FAM237B: variants seen among roughly 807,000 people sequenced by gnomAD.
The protein encoded by FAM237B is family with sequence similarity 237 member B.
At chr7:90,320,088 G>A (rs974827667) in intron 2 of FAM237B, among the ~76,000 whole-genome samples, 4 of 152,112 alleles carry the variant, frequency 2.6e-5, no homozygotes, top group Admixed American at 2.0e-4. Context: ...TTAGTGATAC[G>A]GTTCCGCAAG....
intron 2 of FAM237B, 124 bp from the exon 3 acceptor site, chr7:90,319,875 A>G (rs1311206828): frequency 1.0e-5 from 4 of 396,970 alleles, no homozygotes; most frequent in Non-Finnish European, 1.8e-5. Flanking sequence ...CTTACTAGGT[A>G]TTCATTTTTT....
At chr7:90,319,790 TA>T (rs1366859558) in intron 2 of FAM237B, 39 bp from the exon 3 acceptor site, 2 of 398,258 alleles carry the variant, frequency 5.0e-6, no homozygotes, top group Non-Finnish European at 4.4e-6. Context: ...ATATTTAACT[TA>T]AAAAAGTTAT....
intron 2 of FAM237B, 29 bp from the exon 3 acceptor site, chr7:90,319,780 A>G (rs1795142508): frequency 2.5e-6 from 1 of 398,494 alleles, no homozygotes; most frequent in African/African-American, 2.1e-5. Flanking sequence ...GAGAGAGGAT[A>G]TATTTAACTT....
At chr7:90,320,273 A>G (rs894459274) in intron 2 of FAM237B, 2 of 152,258 alleles carry the variant, frequency 1.3e-5, no homozygotes, top group Non-Finnish European at 2.9e-5. Context: ...TAAGTCTCAA[A>G]GTTACTGCTA....
chr7:90,320,259 C>G lies in FAM237B; in HGVS notation c.-4+422G>C, dbSNP rs1055579002. On this transcript the variant is annotated intron_variant, in intron 2 of 2. Transcript: ENST00000692316. Reference sequence around the variant, plus strand: ...AAATGGTACTAGATCTCACAAACACCGTTTAAGTCTCAAAGTTACTGCTAT... The same window carrying G: ...AAATGGTACTAGATCTCACAAACACGGTTTAAGTCTCAAAGTTACTGCTAT... 4 of 152,314 alleles carry G rather than the reference C, an allele frequency of 2.6e-5. No individual in the cohort carries two copies. In the East Asian group the frequency reaches 7.7e-4, roughly 29 times the overall value. 9.4% of individuals were successfully genotyped at this position (152,314 alleles called of 1,614,324 possible).
At chr7:90,319,835 A>G (rs893272645) in intron 2 of FAM237B, 84 bp from the exon 3 acceptor site, 2 of 397,558 alleles carry the variant, frequency 5.0e-6, no homozygotes, top group Non-Finnish European at 8.9e-6. Context: ...GTAAGTACAC[A>G]TATATTTGCT....
Position 90,321,190 on chromosome 7 carries a change from C to T in FAM237B, c.-319G>A, listed in dbSNP as rs1441201252. On this transcript the variant is annotated 5_prime_UTR_variant, in exon 1 of 3. Coordinates refer to ENST00000692316, the MANE Select transcript of FAM237B (RefSeq NM_001384237.2). ...CGCTCACCGGGCGCCCAAGCTCGCT[C>T]AGCGGAACCGTCTCGGCCGCGGTGC... 2 of 152,294 alleles carry T rather than the reference C, an allele frequency of 1.3e-5. No individual in the cohort carries two copies. The highest frequency in any genetic ancestry group is 2.9e-5 in the Non-Finnish European group (2 of 68,092). The allele number at this position is 152,294 out of a possible 1,614,324, so 9.4% of individuals were successfully genotyped here.
chr7:90,316,809 A>G lies in FAM237B; in HGVS notation c.*2520T>C, dbSNP rs1794845453. 6.6e-6 allele frequency: 1 copy of G among 152,216 alleles called. No individual in the cohort carries two copies. The highest frequency in any genetic ancestry group is 1.5e-5 in the Non-Finnish European group (1 of 68,020). The allele number at this position is 152,216 out of a possible 1,614,324, so 9.4% of individuals were successfully genotyped here. On this transcript the variant is annotated 3_prime_UTR_variant, in exon 3 of 3. Coordinates refer to ENST00000692316, the MANE Select transcript of FAM237B (RefSeq NM_001384237.2). The stretch of plus-strand genomic sequence containing the variant: ...AAAAGAACTAGAAAACCATTTTGCC[A>G]TTAACTGGAAGACTAATTTTATTGA...
Position 90,319,252 on chromosome 7 carries a change from G to A in FAM237B, c.*77C>T. ...ATTTTAGGGAAAAAAACTAAATATG[G>A]TAAATTTGCTACCTTGTTGGATAAC... On this transcript the variant is annotated 3_prime_UTR_variant, in exon 3 of 3. Coordinates refer to ENST00000692316, the MANE Select transcript of FAM237B (RefSeq NM_001384237.2). The A allele has an allele frequency of 2.5e-6, 1 of 395,042 alleles. No homozygotes were observed. Among genetic ancestry groups the A allele is most frequent in the East Asian group, 3.6e-5 (1 of 27,778 alleles). 24.5% of individuals were successfully genotyped at this position (395,042 alleles called of 1,614,324 possible). A position where few individuals can be genotyped will look rare whatever the true frequency, so the allele number is the denominator to read the frequency against.
rs1001897963 is a variant in FAM237B, at chr7:90,318,691, T to A, written c.*638A>T. 2.6e-5 allele frequency: 4 copies of A among 152,038 alleles called. No homozygotes were observed. Among genetic ancestry groups the A allele is most frequent in the Non-Finnish European group, 2.9e-5 (2 of 67,924 alleles). The allele number at this position is 152,038 out of a possible 1,614,324, so 9.4% of individuals were successfully genotyped here. A position where few individuals can be genotyped will look rare whatever the true frequency, so the allele number is the denominator to read the frequency against. Reference sequence around the variant, plus strand: ...ACACTTTAAAAAGACACCTTCTAAGTAAAAAATTGAGAAATTATCTGAAAA... The same window carrying A: ...ACACTTTAAAAAGACACCTTCTAAGAAAAAAATTGAGAAATTATCTGAAAA... On this transcript the variant is annotated 3_prime_UTR_variant, in exon 3 of 3. Coordinates refer to ENST00000692316, the MANE Select transcript of FAM237B (RefSeq NM_001384237.2).
chr7:90,318,244 A>G lies in FAM237B; in HGVS notation c.*1085T>C, dbSNP rs1263400006. On this transcript the variant is annotated 3_prime_UTR_variant, in exon 3 of 3. Coordinates refer to ENST00000692316, the MANE Select transcript of FAM237B (RefSeq NM_001384237.2). ...TCGGTATATTTCTTTAAAGCTTCAC[A>G]TCCTTTTTGAAATAAGATGTGAGAT... 1 of 152,172 alleles carries G rather than the reference A, an allele frequency of 6.6e-6. No homozygotes were observed. The highest frequency in any genetic ancestry group is 6.5e-5 in the Admixed American group (1 of 15,278). The allele number at this position is 152,172 out of a possible 1,614,324, so 9.4% of individuals were successfully genotyped here.
In FAM237B at chr7:90,321,092, G is replaced by T. The variant is rs1333204280; in HGVS notation, c.-221C>A. The T allele has an allele frequency of 3.9e-5, 6 of 152,266 alleles. No individual in the cohort carries two copies. The highest frequency in any genetic ancestry group is 1.4e-4 in the African/African-American group (6 of 41,460). 9.4% of individuals were successfully genotyped at this position (152,266 alleles called of 1,614,324 possible). A position where few individuals can be genotyped will look rare whatever the true frequency, so the allele number is the denominator to read the frequency against. On this transcript the variant is annotated 5_prime_UTR_variant, in exon 1 of 3. Coordinates refer to ENST00000692316, the MANE Select transcript of FAM237B (RefSeq NM_001384237.2). ...AGCGGGGACGACCCCTGCCCAGGGC[G>T]CCCTCTGCCCAGCGGACCCACTTCC...
rs1430023130 is a variant in FAM237B at position 90,317,785 on chromosome 7, C to T, written c.*1544G>A. The stretch of plus-strand genomic sequence containing the variant: ...AGTCAAACCATCAGGCAGTTCGTTA[C>T]TTGTTCAGTATTATTTTAGCCGATT... On this transcript the variant is annotated 3_prime_UTR_variant, in exon 3 of 3. Coordinates refer to ENST00000692316, the MANE Select transcript of FAM237B (RefSeq NM_001384237.2). 1.3e-5 allele frequency: 2 copies of T among 152,080 alleles called. No individual in the cohort carries two copies. Among genetic ancestry groups the T allele is most frequent in the African/African-American group, 4.8e-5 (2 of 41,412 alleles). The allele number at this position is 152,080 out of a possible 1,614,324, so 9.4% of individuals were successfully genotyped here. A position where few individuals can be genotyped will look rare whatever the true frequency, so the allele number is the denominator to read the frequency against.
In FAM237B at chr7:90,320,989, C is replaced by T. The variant is rs42613; in HGVS notation, c.-118G>A. 76,738 of 152,024 alleles carry T rather than the reference C, an allele frequency of 0.5. 20,257 individuals are homozygous for T. Among genetic ancestry groups the T allele is most frequent in the Non-Finnish European group, 0.59 (39,865 of 68,024 alleles). 9.4% of individuals were successfully genotyped at this position (152,024 alleles called of 1,614,324 possible). A position where few individuals can be genotyped will look rare whatever the true frequency, so the allele number is the denominator to read the frequency against. On this transcript the variant is annotated 5_prime_UTR_variant, in exon 1 of 3. Transcript: ENST00000692316. ...TGGTCGCCGTCCGAGGAGCGCGTCC[C>T]GGCGCGGTGTCCTGGGTGCGCTACG... is the stretch of plus-strand genomic sequence containing the variant.
Position 90,319,161 on chromosome 7 carries a change from G to C in FAM237B, c.*168C>G. ...TTATATTCCAAGATCATTTAAAATT[G>C]TAAGTCAGAGCTTGTGTGGTTTGTA... On this transcript the variant is annotated 3_prime_UTR_variant, in exon 3 of 3. Coordinates refer to ENST00000692316, the MANE Select transcript of FAM237B (RefSeq NM_001384237.2). 5.3e-6 allele frequency: 2 copies of C among 377,996 alleles called. No individual in the cohort carries two copies. The highest frequency in any genetic ancestry group is 9.4e-6 in the Non-Finnish European group (2 of 213,296). 23.4% of individuals were successfully genotyped at this position (377,996 alleles called of 1,614,324 possible). A position where few individuals can be genotyped will look rare whatever the true frequency, so the allele number is the denominator to read the frequency against.
rs887527269 is a variant in FAM237B at position 90,317,092 on chromosome 7, T to C, written c.*2237A>G. On this transcript the variant is annotated 3_prime_UTR_variant, in exon 3 of 3. Coordinates refer to ENST00000692316, the MANE Select transcript of FAM237B (RefSeq NM_001384237.2). Reference sequence around the variant, plus strand: ...TTCTAGGTGGATAGCTGTCAGGTCATTTTTTTTTTTTTAGACCAAAAGCAG... The same window carrying C: ...TTCTAGGTGGATAGCTGTCAGGTCACTTTTTTTTTTTTAGACCAAAAGCAG... The C allele has an allele frequency of 7.1e-6, 1 of 140,880 alleles. No homozygotes were observed. The highest frequency in any genetic ancestry group is 1.5e-5 in the Non-Finnish European group (1 of 64,868). 8.7% of individuals were successfully genotyped at this position (140,880 alleles called of 1,614,324 possible). A position where few individuals can be genotyped will look rare whatever the true frequency, so the allele number is the denominator to read the frequency against.
chr7:90,320,859 T>G (rs942108299), intron 1 of FAM237B, 63 bp downstream of exon 1: 1 of 152,248 alleles, frequency 6.6e-6, no homozygotes, highest in Non-Finnish European at 1.5e-5. Flanking sequence ...TCAGAGGGAA[T>G]TTCTTCCCCC....
At position 90,317,056 on chromosome 7, in the gene FAM237B, C is replaced by T. The variant is rs564042215; in HGVS notation, c.*2273G>A. 1.3e-5 allele frequency: 2 copies of T among 151,296 alleles called. No individual in the cohort carries two copies. Among genetic ancestry groups the T allele is most frequent in the Admixed American group, 6.6e-5 (1 of 15,182 alleles). The allele number at this position is 151,296 out of a possible 1,614,324, so 9.4% of individuals were successfully genotyped here. A position where few individuals can be genotyped will look rare whatever the true frequency, so the allele number is the denominator to read the frequency against. ...TCTAGGTACCACTTCGGCTCCTCTG[C>T]AGGAAATGAATTCTAGGTGGATAGC... On this transcript the variant is annotated 3_prime_UTR_variant, in exon 3 of 3. Transcript: ENST00000692316.
Position 90,318,314 on chromosome 7 carries a change from T to C in FAM237B, c.*1015A>G, listed in dbSNP as rs187178199. On this transcript the variant is annotated 3_prime_UTR_variant, in exon 3 of 3. Transcript: ENST00000692316. ...AATAACTCAGCTAACACAAAAATTC[T>C]ATCAAATTGTACTTTACTGAAATGA... The C allele has an allele frequency of 2.4e-4, 36 of 147,430 alleles. No homozygotes were observed. The East Asian group carries it at 6.3e-3, about 26-fold the overall frequency. 9.1% of individuals were successfully genotyped at this position (147,430 alleles called of 1,614,324 possible). A position where few individuals can be genotyped will look rare whatever the true frequency, so the allele number is the denominator to read the frequency against.
Sources: allele counts gnomAD v4.1 joint callset (sites outside exome capture counted in the v4.1 genomes callset), GRCh38; gene constraint gnomAD v4.1.1; transcripts MANE v1.5; gene names NCBI Gene and HGNC (gene_info 2026-07-23, HGNC 2026-07-21).